APOLD1: variants seen among roughly 807,000 people sequenced by gnomAD.
The protein encoded by APOLD1 is apolipoprotein L domain-containing protein 1.
APOLD1 carries 22 observed loss-of-function variants against 15.3 expected under a neutral mutation model. That is an observed-to-expected ratio of 1.44 (90% CI 1.03 to 2.05). The LOEUF is 2.05. Ranked by LOEUF, APOLD1 falls within the 30% of genes most tolerant of loss-of-function variation. The pLI, the probability that APOLD1 is intolerant of heterozygous loss-of-function variation, is 0.00. For synonymous variants in APOLD1, 190 were observed against 167.4 expected (o/e 1.13, Z -1.04); for missense variants, 394 against 353.5 (o/e 1.11, Z -0.92).
At chr12:12,746,279 T>G (rs922602558) in intron 1 of APOLD1, among the ~76,000 whole-genome samples, 5 of 152,198 alleles carry the variant, frequency 3.3e-5, no homozygotes, top group Admixed American at 1.3e-4. Flanking sequence ...GTGGGTCACC[T>G]GAGGTCAGGA....
chr12:12,754,766 A>C (rs867205996), intron 1 of APOLD1, among the ~76,000 whole-genome samples: 2 of 150,630 alleles, frequency 1.3e-5, no homozygotes, highest in African/African-American at 2.4e-5. Context: ...TTGGCTGGAC[A>C]TGGTGGCTCA....
chr12:12,763,539 A>T (rs1026211523), intron 1 of APOLD1, among the ~76,000 whole-genome samples: 4 of 152,118 alleles, frequency 2.6e-5, no homozygotes, highest in Admixed American at 2.6e-4. Context: ...CAATACAACA[A>T]TAAAAAATAA....
chr12:12,740,821 G>A (rs1489544055), intron 1 of APOLD1, among the ~76,000 whole-genome samples: 2 of 152,218 alleles, frequency 1.3e-5, no homozygotes, highest in African/African-American at 4.8e-5. Context: ...ACAGACTGGA[G>A]ACAATCCATA....
At chr12:12,776,992 C>T (rs941034492) in intron 1 of APOLD1, among the ~76,000 whole-genome samples, 8 of 152,080 alleles carry the variant, frequency 5.3e-5, no homozygotes, top group Non-Finnish European at 5.9e-5. Context: ...AATTAGCACC[C>T]GCTATGCACT....
Position 12,787,568 on chromosome 12 carries a change from G to T in APOLD1, c.663G>T (p.Glu221Asp). ...GALDELSEQL[E>D]SRVQLCTKSS... Reference sequence around the variant, plus strand: ...TGGACGAACTCAGCGAGCAGCTGGAGTCTCGGGTTCAGCTCTGCACCAAGT... The same window carrying T: ...TGGACGAACTCAGCGAGCAGCTGGATTCTCGGGTTCAGCTCTGCACCAAGT... The change falls in exon 2 of 2, where the codon GAG becomes GAT. Residue 221 changes from glutamate to aspartate, a missense_variant. Physicochemically the swap from Glu to Asp is conservative, Grantham distance 45. Coordinates refer to ENST00000356591, the MANE Select transcript of APOLD1 (RefSeq NM_030817.3). This position sits in a 1 kb window ranked among gnomAD's most constrained non-coding sequence, Gnocchi z 4.9. 6.2e-7 allele frequency: 1 copy of T among 1,613,404 alleles called. No individual in the cohort carries two copies. Among genetic ancestry groups the T allele is most frequent in the Non-Finnish European group, 8.5e-7 (1 of 1,180,044 alleles).
intron 1 of APOLD1, among the ~76,000 whole-genome samples, chr12:12,757,301 C>T (rs1057336094): frequency 5.3e-5 from 8 of 152,132 alleles, no homozygotes; most frequent in African/African-American, 1.9e-4. Context: ...AAGTTCACCA[C>T]AGACCTGCCT....
upstream of APOLD1, among the ~76,000 whole-genome samples, chr12:12,782,732 C>T (rs2136399457): frequency 6.6e-6 from 1 of 152,252 alleles, no homozygotes. Context: ...GGCCAACTAC[C>T]ATTTTCAGTG....
At chr12:12,750,988 C>T (rs1227296513) in intron 1 of APOLD1, among the ~76,000 whole-genome samples, 1 of 151,342 alleles carries the variant, frequency 6.6e-6, no homozygotes, top group Non-Finnish European at 1.5e-5. Flanking sequence ...GGGATTTCAC[C>T]ATGTTGCCCC....
chr12:12,753,213 C>T (rs1248821202), intron 1 of APOLD1, among the ~76,000 whole-genome samples: 5 of 152,036 alleles, frequency 3.3e-5, no homozygotes, highest in South Asian at 2.1e-4. Flanking sequence ...ACTCAATAGA[C>T]GATAAAACTT....
Position 12,790,554 on chromosome 12 carries a change from C to T in APOLD1, c.*2902C>T, listed in dbSNP as rs915741130. ...CAGTAACAGCAGCAGCAAACTTTTC[C>T]TCTCATATTTTGGGTGTATCAAAAG... On this transcript the variant is annotated 3_prime_UTR_variant, in exon 2 of 2. Transcript: ENST00000356591. The T allele has an allele frequency of 6.6e-6, 1 of 151,906 alleles. No individual in the cohort carries two copies. The highest frequency in any genetic ancestry group is 1.5e-5 in the Non-Finnish European group (1 of 67,996). 9.4% of individuals were successfully genotyped at this position (151,906 alleles called of 1,614,324 possible).
chr12:12,734,469 G>A (rs1946667721), intron 1 of APOLD1, among the ~76,000 whole-genome samples: 2 of 152,214 alleles, frequency 1.3e-5, no homozygotes, highest in South Asian at 2.1e-4. Context: ...CCACTGTATC[G>A]ATTCTTTCCA....
At chr12:12,755,876 C>G (rs1946854271) in intron 1 of APOLD1, among the ~76,000 whole-genome samples, 1 of 152,140 alleles carries the variant, frequency 6.6e-6, no homozygotes, top group Non-Finnish European at 1.5e-5. Context: ...ACCTAAAAAA[C>G]TGCAACGTCA....
chr12:12,787,873 G>A lies in APOLD1; in HGVS notation c.*221G>A. The A allele has an allele frequency of 1.7e-6, 1 of 587,896 alleles. No homozygotes were observed. Among genetic ancestry groups the A allele is most frequent in the Non-Finnish European group, 2.8e-6 (1 of 360,228 alleles). 36.4% of individuals were successfully genotyped at this position (587,896 alleles called of 1,614,324 possible). Reference sequence around the variant, plus strand: ...CTACGGACTTTTCAGTCTTCCTAGTGGAAAAATGTGACCCAAAAACTCTTT... The same window carrying A: ...CTACGGACTTTTCAGTCTTCCTAGTAGAAAAATGTGACCCAAAAACTCTTT... On this transcript the variant is annotated 3_prime_UTR_variant, in exon 2 of 2. Coordinates refer to ENST00000356591, the MANE Select transcript of APOLD1 (RefSeq NM_030817.3). This position sits in a 1 kb window ranked among gnomAD's most constrained non-coding sequence, Gnocchi z 4.9.
Position 12,737,267 on chromosome 12 carries a change from G to T in APOLD1, c.96+11171G>T, listed in dbSNP as rs374371045. Among the ~76,000 whole-genome samples the T allele has an allele frequency of 2.0e-4, 30 of 151,884 alleles. No individual in the cohort carries two copies. In the South Asian group the frequency reaches 5.8e-3, roughly 29 times the overall value. On this transcript the variant is annotated intron_variant, in intron 1 of 1. Transcript: ENST00000326765. ...GATTAATAAAAGAGAGACCTCTGCTGGCTACAGTGGGGTAACAACCTAGAG... is the reference window on the plus strand; with the variant it reads ...GATTAATAAAAGAGAGACCTCTGCTTGCTACAGTGGGGTAACAACCTAGAG...
chr12:12,739,198 G>A (rs1946712476), intron 1 of APOLD1, among the ~76,000 whole-genome samples: 1 of 152,268 alleles, frequency 6.6e-6, no homozygotes, highest in African/African-American at 2.4e-5. Flanking sequence ...ACTGAATTTT[G>A]TTTCTTTTTC....
intron 1 of APOLD1, among the ~76,000 whole-genome samples, chr12:12,756,879 C>T (rs6488554): frequency 2.0e-5 from 3 of 152,112 alleles, no homozygotes; most frequent in Non-Finnish European, 2.9e-5. Context: ...CTCCACCTAC[C>T]GGGTTCAAGT....
At chr12:12,786,794 G>A (rs1947128283) in intron 1 of APOLD1, 115 bp from the exon 2 acceptor site, 1 of 1,303,818 alleles carries the variant, frequency 7.7e-7, no homozygotes, top group South Asian at 2.3e-5. Context: ...CCCCTAGCGT[G>A]GCAGTGGCTG....
In APOLD1 at chr12:12,787,343, C is replaced by T; in HGVS notation, c.438C>T (p.Gly146=). 3 of 1,613,964 alleles carry T rather than the reference C, an allele frequency of 1.9e-6. No homozygotes were observed. Among genetic ancestry groups the T allele is most frequent in the African/African-American group, 2.7e-5 (2 of 75,074 alleles). Residue 146 remains glycine, a synonymous_variant, in exon 2 of 2, where the codon GGC becomes GGT. Coordinates refer to ENST00000356591, the MANE Select transcript of APOLD1 (RefSeq NM_030817.3). The surrounding 1 kb of genome is among the most constrained non-coding windows in gnomAD (Gnocchi z 4.9). ...SCLEFFCRWQ[G]CGDRQLLQCG... ...TCGAGTTTTTCTGCCGCTGGCAGGG[C>T]TGCGGGGACCGCCAGCTGCTGCAGT...
intron 1 of APOLD1, among the ~76,000 whole-genome samples, chr12:12,759,871 G>A (rs1387478551): frequency 1.3e-5 from 2 of 152,102 alleles, no homozygotes; most frequent in South Asian, 2.1e-4. Flanking sequence ...CTTACCATTG[G>A]CAAATATTAA....
Sources: gnomAD v4.1 joint callset for allele counts (sites outside exome capture counted in the v4.1 genomes callset) on GRCh38, gnomAD v4.1.1 for gene constraint, Gnocchi (gnomAD v3.1) non-coding constraint, MANE v1.5 for transcripts, NCBI Gene and HGNC (gene_info 2026-07-23, HGNC 2026-07-21) for gene names.